Variants in MTUS2 observed in about 807,000 individuals in gnomAD.
MTUS2 encodes the protein microtubule-associated tumor suppressor candidate 2.
Under a neutral mutation model 114.1 loss-of-function variants are expected in MTUS2, and 40 were observed. The observed-to-expected ratio is 0.35, with a 90% confidence interval of 0.27 to 0.46. The LOEUF (loss-of-function observed/expected upper bound fraction) is 0.46, where lower values mean the gene tolerates loss of function less well. Ranked by LOEUF, MTUS2 falls within the 20% of genes least tolerant of loss-of-function variation. MTUS2 has a pLI of 1.00. For missense variants in MTUS2, 1,679 were observed against 1,705.4 expected, an observed-to-expected ratio of 0.98 and a Z score of 0.27; for synonymous variants, 688 against 672.0, an observed-to-expected ratio of 1.02 and a Z score of -0.37.
Position 28,860,907 on chromosome 13 carries a change from C to T in MTUS2, c.-243+21057C>T, listed in dbSNP as rs557373957. On this transcript the variant is annotated intron_variant, in intron 2 of 15. Coordinates refer to ENST00000612955, the MANE Select transcript of MTUS2 (RefSeq NM_001033602.4). ...GTGGCTTGGCCTGAGAACAGAACCT[C>T]GCCAGTGTCAGGCAGACAGTCCCTT... Among the ~76,000 whole-genome samples the T allele has an allele frequency of 2.6e-5, 4 of 152,292 alleles. No homozygotes were observed. The East Asian group carries it at 5.8e-4, about 22-fold the overall frequency.
chr13:28,904,184 C>T lies in MTUS2; in HGVS notation c.-243+64334C>T, dbSNP rs866149428. On this transcript the variant is annotated intron_variant, in intron 2 of 15. Coordinates refer to ENST00000612955, the MANE Select transcript of MTUS2 (RefSeq NM_001033602.4). ...AGCCCTTTGTCAGATGAGTAGGTTG[C>T]GAAAATTTTCTCCCATTCTGTAGGT... is the stretch of plus-strand genomic sequence containing the variant. Among the ~76,000 whole-genome samples the T allele has an allele frequency of 3.1e-3, 477 of 152,134 alleles. 5 individuals are homozygous for T. The highest frequency in any genetic ancestry group is 0.011 in the African/African-American group (442 of 41,492).
At chr13:28,896,386 T>A (rs2137936952) in intron 2 of MTUS2, among the ~76,000 whole-genome samples, 1 of 152,180 alleles carries the variant, frequency 6.6e-6, no homozygotes, top group East Asian at 1.9e-4. Context: ...AAACCACTGC[T>A]CAATGAAATA....
intron 2 of MTUS2, among the ~76,000 whole-genome samples, chr13:28,982,482 A>G (rs1185303214): frequency 6.6e-6 from 1 of 152,152 alleles, no homozygotes; most frequent in Non-Finnish European, 1.5e-5. Flanking sequence ...AAAATCAAAC[A>G]TAGAATTATC....
chr13:29,037,052 A>T (rs955903139), intron 4 of MTUS2, among the ~76,000 whole-genome samples: 1 of 152,176 alleles, frequency 6.6e-6, no homozygotes, highest in African/African-American at 2.4e-5. Context: ...TCCTGTCATT[A>T]TGATGCTGGC....
At chr13:28,829,944 A>G (rs1400979935) in intron 1 of MTUS2, among the ~76,000 whole-genome samples, 2 of 152,188 alleles carry the variant, frequency 1.3e-5, no homozygotes, top group East Asian at 3.8e-4. Flanking sequence ...GCTTTGCATA[A>G]GTAAAGTAGG....
intron 2 of MTUS2, among the ~76,000 whole-genome samples, chr13:28,930,516 C>T (rs528843423): frequency 6.6e-6 from 1 of 152,322 alleles, no homozygotes; most frequent in South Asian, 2.1e-4. Context: ...GTGTGGGTCC[C>T]TCTCTTTTGG....
intron 5 of MTUS2, among the ~76,000 whole-genome samples, chr13:29,160,558 C>T (rs1893050478): frequency 6.6e-6 from 1 of 152,130 alleles, no homozygotes; most frequent in South Asian, 2.1e-4. Context: ...ATCATGAGGT[C>T]AGGAGATCGA....
At chr13:29,175,630 A>G (rs935296874) in intron 5 of MTUS2, among the ~76,000 whole-genome samples, 2 of 152,204 alleles carry the variant, frequency 1.3e-5, no homozygotes, top group African/African-American at 4.8e-5. Context: ...ATTGCTGAAC[A>G]TATTGATCTC....
At chr13:29,148,586 C>T (rs1892539439) in intron 5 of MTUS2, among the ~76,000 whole-genome samples, 1 of 110,042 alleles carries the variant, frequency 9.1e-6, no homozygotes, top group African/African-American at 2.7e-5. Flanking sequence ...TCACGCCATT[C>T]TCCTGCCTCA....
intron 2 of MTUS2, among the ~76,000 whole-genome samples, chr13:28,975,458 A>T (rs9551581): frequency 0.16 from 24,406 of 150,012 alleles, 2,460 homozygotes; most frequent in East Asian, 0.53. Context: ...GGCGTTTCCA[A>T]TCTCGCCTGC....
chr13:29,322,823 G>T (rs1287378395), intron 6 of MTUS2, among the ~76,000 whole-genome samples: 1 of 152,178 alleles, frequency 6.6e-6, no homozygotes, highest in African/African-American at 2.4e-5. Flanking sequence ...TGGCATTGTG[G>T]CTGGCAGATG....
chr13:29,261,298 G>A (rs985554244), intron 5 of MTUS2, among the ~76,000 whole-genome samples: 3 of 152,172 alleles, frequency 2.0e-5, no homozygotes, highest in Non-Finnish European at 4.4e-5. Context: ...AAGAGTGCAA[G>A]AAATCTCAAC....
At chr13:29,338,956 G>C (rs1055267457) in intron 7 of MTUS2, among the ~76,000 whole-genome samples, 3 of 152,074 alleles carry the variant, frequency 2.0e-5, no homozygotes, top group East Asian at 3.9e-4. Flanking sequence ...AGAATGCTCA[G>C]GTGAAGCAGT....
At chr13:29,138,607 G>T (rs1224100956) in intron 5 of MTUS2, among the ~76,000 whole-genome samples, 1 of 151,052 alleles carries the variant, frequency 6.6e-6, no homozygotes, top group Non-Finnish European at 1.5e-5. Flanking sequence ...AATGAGTGCA[G>T]GGTTTCTTTT....
At chr13:29,069,987 TC>T (rs1332470085) in intron 4 of MTUS2, among the ~76,000 whole-genome samples, 1 of 152,216 alleles carries the variant, frequency 6.6e-6, no homozygotes, top group Non-Finnish European at 1.5e-5. Context: ...TCTACACTCT[TC>T]CCTTCATTAT....
intron 7 of MTUS2, among the ~76,000 whole-genome samples, chr13:29,331,465 C>G (rs1173847176): frequency 6.6e-6 from 1 of 152,088 alleles, no homozygotes; most frequent in African/African-American, 2.4e-5. Context: ...GCAATACTTC[C>G]AAATTTCATA....
At chr13:29,187,702 A>G (rs1894283005) in intron 5 of MTUS2, among the ~76,000 whole-genome samples, 1 of 152,160 alleles carries the variant, frequency 6.6e-6, no homozygotes, top group South Asian at 2.1e-4. Context: ...GATGAGGTCA[A>G]AATTATTCCT....
chr13:28,954,782 A>C (rs1442006451), intron 2 of MTUS2, among the ~76,000 whole-genome samples: 2 of 152,202 alleles, frequency 1.3e-5, no homozygotes, highest in African/African-American at 4.8e-5. Context: ...GATCAGCCCT[A>C]CATGATCAGA....
chr13:29,450,301 G>GGA (rs1878595532), intron 9 of MTUS2, among the ~76,000 whole-genome samples: 1 of 152,084 alleles, frequency 6.6e-6, no homozygotes, highest in African/African-American at 2.4e-5. Flanking sequence ...TGGAAGAAGG[G>GGA]GAGAATGTGA....
Sources: allele counts gnomAD v4.1 joint callset (sites outside exome capture counted in the v4.1 genomes callset), GRCh38; gene constraint gnomAD v4.1.1; transcripts MANE v1.5; gene names NCBI Gene and HGNC (gene_info 2026-07-23, HGNC 2026-07-21).